Variants in NCOR2 observed in about 807,000 individuals in gnomAD.
The protein encoded by NCOR2 is nuclear receptor corepressor 2.
A neutral mutation model predicts 262.9 loss-of-function variants in NCOR2; 81 were observed. That is an observed-to-expected ratio of 0.31 (90% CI 0.26 to 0.37). The LOEUF is 0.37. NCOR2 is among the 10% of genes least tolerant of loss of function. NCOR2 has a pLI of 1.00. For missense variants in NCOR2, 3,385 were observed against 3,621.4 expected (o/e 0.93, Z 1.68); for synonymous variants, 1,659 against 1,559.3 (o/e 1.06, Z -1.51).
intron 3 of NCOR2, among the ~76,000 whole-genome samples, chr12:124,477,567 T>C (rs1041242824): frequency 1.1e-4 from 16 of 152,216 alleles, no homozygotes; most frequent in Admixed American, 5.9e-4. Flanking sequence ...CTGCACAACA[T>C]TGTAAATGTC....
intron 17 of NCOR2, among the ~76,000 whole-genome samples, chr12:124,381,003 G>A (rs563379310): frequency 3.3e-5 from 5 of 152,268 alleles, no homozygotes; most frequent in East Asian, 1.9e-4. Context: ...TGCGCCAAGC[G>A]GTTTCTGGTA....
At chr12:124,494,866 C>T (rs1285284902) in intron 1 of NCOR2, among the ~76,000 whole-genome samples, 1 of 152,238 alleles carries the variant, frequency 6.6e-6, no homozygotes, top group East Asian at 1.9e-4. Context: ...GCTCCACATT[C>T]GCGTGCCAAT....
At chr12:124,342,895 T>C in intron 33 of NCOR2, 110 bp downstream of exon 35, 2 of 1,233,182 alleles carry the variant, frequency 1.6e-6, no homozygotes, top group Non-Finnish European at 2.2e-6. Flanking sequence ...AGTTTCGCCA[T>C]CCAGGGGAAC....
intron 33 of NCOR2, among the ~76,000 whole-genome samples, chr12:124,342,753 C>T (rs2036563328): frequency 6.6e-6 from 1 of 152,230 alleles, no homozygotes; most frequent in Non-Finnish European, 1.5e-5. Flanking sequence ...TTGCTAAAGG[C>T]ACTGATAAGT....
At chr12:124,342,562 G>T (rs1257745296) in intron 33 of NCOR2, among the ~76,000 whole-genome samples, 1 of 152,080 alleles carries the variant, frequency 6.6e-6, no homozygotes, top group Admixed American at 6.5e-5. Context: ...TAGGGACGGG[G>T]TTTCACCGTG....
exon 39 of NCOR2, chr12:124,335,580 C>T: frequency 6.2e-7 from 1 of 1,608,972 alleles, no homozygotes; most frequent in Non-Finnish European, 8.5e-7. Flanking sequence ...TGGGTGAGCT[C>T]ACAGGGCTGA....
chr12:124,352,379 A>AT lies in NCOR2; in HGVS notation c.3694-1643dup, dbSNP rs369134948. Among the ~76,000 whole-genome samples the AT allele has an allele frequency of 9.9e-3, 1,459 of 147,104 alleles. 22 individuals carry two copies. Among genetic ancestry groups the AT allele is most frequent in the African/African-American group, 0.032 (1,280 of 40,412 alleles). On this transcript the variant is annotated intron_variant, in intron 27 of 46. Transcript: ENST00000405201. ...CTCCATGGTGAAACTGAGGCATCTG[A>AT]TTTTTTTTTTTTGAGAAGGGGTCTT...
At chr12:124,543,421 CA>C (rs1486331190) in intron 1 of NCOR2, among the ~76,000 whole-genome samples, 1 of 152,204 alleles carries the variant, frequency 6.6e-6, no homozygotes, top group Admixed American at 6.5e-5. Flanking sequence ...GACCCTGTTT[CA>C]GGGGTGGGGA....
chr12:124,472,536 G>A (rs993901835), intron 4 of NCOR2, among the ~76,000 whole-genome samples: 3 of 152,170 alleles, frequency 2.0e-5, no homozygotes, highest in Non-Finnish European at 2.9e-5. Context: ...AGAAGGGACT[G>A]CCCACCCCAC....
intron 42 of NCOR2, 70 bp downstream of exon 44, chr12:124,333,060 G>A (rs2035355480): frequency 1.3e-6 from 2 of 1,512,364 alleles, no homozygotes; most frequent in African/African-American, 2.8e-5. Context: ...GCACCACGGT[G>A]GACTGGGGCC....
chr12:124,368,689 T>A (rs2039233155), intron 20 of NCOR2, among the ~76,000 whole-genome samples: 1 of 152,216 alleles, frequency 6.6e-6, no homozygotes, highest in African/African-American at 2.4e-5. Context: ...AGGCTCTCAT[T>A]GCCCTCCAAT....
Position 124,501,060 on chromosome 12 carries a change from GCGCACACACACACACACA to G in NCOR2, c.-117-5710_-117-5693del, listed in dbSNP as rs375690475. 6.8e-4 allele frequency among the ~76,000 whole-genome samples: 33 copies of G among 48,820 alleles called. No individual in the cohort carries two copies. The South Asian group carries it at 0.016, about 24-fold the overall frequency. The allele number at this position is 48,820 out of a possible 152,430, so 32.0% of individuals were successfully genotyped here. On this transcript the variant is annotated intron_variant, in intron 1 of 46. Coordinates refer to the NCOR2 transcript ENST00000404621. The stretch of plus-strand genomic sequence containing the variant: ...CCACGGCACGAGCGCGCGCGCACGC[GCGCACACACACACACACA>G]CACACACACACACACACACACACAC...
chr12:124,482,226 C>T lies in NCOR2; in HGVS notation c.411+1370G>A, dbSNP rs1447131942. On this transcript the variant is annotated intron_variant, in intron 3 of 46. Coordinates refer to ENST00000405201, the Ensembl canonical transcript of NCOR2. This position sits in a 1 kb window ranked among gnomAD's most constrained non-coding sequence, Gnocchi z 6.3. ...GCAGGGAGGCCAAGCCAGCCAACGA[C>T]CACACAGACACCCCAGCCCCTCCCT... Among the ~76,000 whole-genome samples, 1 of 152,272 alleles carries T rather than the reference C, an allele frequency of 6.6e-6. No individual in the cohort carries two copies. Among genetic ancestry groups the T allele is most frequent in the East Asian group, 1.9e-4 (1 of 5,182 alleles).
intron 5 of NCOR2, among the ~76,000 whole-genome samples, chr12:124,458,505 G>A (rs1453160105): frequency 6.6e-6 from 1 of 152,208 alleles, no homozygotes; most frequent in Non-Finnish European, 1.5e-5. Context: ...GAGACCTGCA[G>A]CCTCAAGGTG....
At chr12:124,495,257 T>G (rs531976037), upstream of NCOR2, 178 of 1,610,350 alleles carry the variant, frequency 1.1e-4, 1 homozygote, top group East Asian at 3.3e-3. The surrounding 1 kb of genome is among the most constrained non-coding windows in gnomAD (Gnocchi z 4.4). Flanking sequence ...GACATGGTGG[T>G]GGGGGTCGGC....
chr12:124,344,863 G>T (rs775950602), exon 32 of NCOR2: 3 of 1,574,426 alleles, frequency 1.9e-6, no homozygotes, highest in Non-Finnish European at 2.6e-6. Flanking sequence ...GGGTGGGAAC[G>T]TCCGGCCGGG....
At chr12:124,390,801 C>T (rs947638859) in intron 16 of NCOR2, among the ~76,000 whole-genome samples, 1 of 152,256 alleles carries the variant, frequency 6.6e-6, no homozygotes, top group African/African-American at 2.4e-5. Flanking sequence ...CTGGATTCCC[C>T]GACCCCACTT....
chr12:124,437,919 T>C lies in NCOR2; in HGVS notation c.882+11A>G, dbSNP rs1474068253. 1 of 1,609,836 alleles carries C rather than the reference T, an allele frequency of 6.2e-7. No individual in the cohort carries two copies. Among genetic ancestry groups the C allele is most frequent in the Admixed American group, 1.7e-5 (1 of 59,630 alleles). ...CAAGGAAAGCTGATGGGGGCCACGG[T>C]GTGGACTTACCCATTGTTTCCGAGC... On this transcript the variant is annotated intron_variant, in intron 8 of 46. Coordinates refer to ENST00000405201, the Ensembl canonical transcript of NCOR2.
chr12:124,355,946 T>C (rs2037919135), intron 23 of NCOR2, among the ~76,000 whole-genome samples: 1 of 152,228 alleles, frequency 6.6e-6, no homozygotes, highest in Non-Finnish European at 1.5e-5. Flanking sequence ...GTGCCCTCGA[T>C]GGCTCCCACT....
Sources: allele counts gnomAD v4.1 joint callset (sites outside exome capture counted in the v4.1 genomes callset), GRCh38; gene constraint gnomAD v4.1.1; non-coding constraint Gnocchi (gnomAD v3.1); transcripts MANE v1.5; gene names NCBI Gene and HGNC (gene_info 2026-07-23, HGNC 2026-07-21).